The following TNRC6A variants were observed in gnomAD, a reference collection of about 807,000 sequenced individuals.
The protein encoded by TNRC6A is trinucleotide repeat containing adaptor 6A.
In TNRC6A, 44 loss-of-function variants were observed where a neutral mutation model predicts 221.2. That is an observed-to-expected ratio of 0.20 (90% CI 0.16 to 0.26). The LOEUF (loss-of-function observed/expected upper bound fraction) is 0.26, where lower values mean the gene tolerates loss of function less well. Ranked by LOEUF, TNRC6A falls within the 10% of genes least tolerant of loss-of-function variation. The pLI is 1.00. For synonymous variants in TNRC6A, 847 were observed against 838.5 expected, an observed-to-expected ratio of 1.01 and a Z score of -0.18; for missense variants, 2,199 against 2,404.4, an observed-to-expected ratio of 0.91 and a Z score of 1.79.
chr16:24,632,414 C>T (rs1226470121), intron 1 of TNRC6A, among the ~76,000 whole-genome samples: 2 of 152,176 alleles, frequency 1.3e-5, no homozygotes, highest in Non-Finnish European at 2.9e-5. Flanking sequence ...GTCTTTGATT[C>T]CTTATTGTCG....
chr16:24,803,879 C>A, intron 11 of TNRC6A: 1 of 250,522 alleles, frequency 4.0e-6, no homozygotes, highest in Non-Finnish European at 7.6e-6. Context: ...CCAGCCTGGG[C>A]CACAAAGCGA....
At chr16:24,633,337 T>C (rs1386274081) in intron 1 of TNRC6A, among the ~76,000 whole-genome samples, 4 of 152,206 alleles carry the variant, frequency 2.6e-5, no homozygotes, top group African/African-American at 7.2e-5. Context: ...ACCAGGCTTA[T>C]TTCCTTACAG....
At chr16:24,694,257 C>A (rs1044976381) in intron 2 of TNRC6A, among the ~76,000 whole-genome samples, 14 of 152,268 alleles carry the variant, frequency 9.2e-5, no homozygotes, top group African/African-American at 3.4e-4. Flanking sequence ...CCCAGCATAG[C>A]CAGGCCCCCG....
intron 2 of TNRC6A, among the ~76,000 whole-genome samples, chr16:24,735,216 T>C (rs2056737059): frequency 6.6e-6 from 1 of 151,946 alleles, no homozygotes; most frequent in African/African-American, 2.4e-5. Flanking sequence ...GAGGTGGAGG[T>C]TGCAGTGAGC....
At chr16:24,799,886 T>C (rs8044992) in intron 11 of TNRC6A, among the ~76,000 whole-genome samples, 41,754 of 152,090 alleles carry the variant, frequency 0.27, 5,902 homozygotes, top group African/African-American at 0.3. Context: ...TTGTTTTTCA[T>C]TGGCCTTCAC....
At chr16:24,620,912 C>T (rs187066747) in intron 1 of TNRC6A, among the ~76,000 whole-genome samples, 104 of 151,504 alleles carry the variant, frequency 6.9e-4, no homozygotes, top group Non-Finnish European at 9.9e-4. Flanking sequence ...GGTGAAACCC[C>T]GTCTCTATTA....
In TNRC6A at chr16:24,797,896, C is replaced by T; in HGVS notation, c.3643-19C>T. 6.3e-7 allele frequency: 1 copy of T among 1,597,630 alleles called. No homozygotes were observed. Among genetic ancestry groups the T allele is most frequent in the East Asian group, 2.2e-5 (1 of 44,590 alleles). On this transcript the variant is annotated intron_variant, in intron 10 of 24. Coordinates refer to ENST00000395799, the MANE Select transcript of TNRC6A (RefSeq NM_014494.4). ...TGATAAATTAAGGTCTGCTAACATG[C>T]TGCATTTTCTTTCTTCAGAGAGACT...
Position 24,816,963 on chromosome 16 carries a change from A to C in TNRC6A, c.4972+7A>C, listed in dbSNP as rs1419690067. 6.2e-7 allele frequency: 1 copy of C among 1,608,992 alleles called. No homozygotes were observed. Among genetic ancestry groups the C allele is most frequent in the Admixed American group, 1.7e-5 (1 of 58,646 alleles). On this transcript the variant is annotated splice_region_variant and intron_variant, in intron 20 of 24. Coordinates refer to ENST00000395799, the MANE Select transcript of TNRC6A (RefSeq NM_014494.4). ...CTCAGGGACAGGAACAGTGGTACGTAGGGGGTGCAAATCAATTTCTGAGTG... is the reference window on the plus strand; with the variant it reads ...CTCAGGGACAGGAACAGTGGTACGTCGGGGGTGCAAATCAATTTCTGAGTG...
chr16:24,679,809 A>G (rs763195412), intron 2 of TNRC6A, among the ~76,000 whole-genome samples: 1 of 150,614 alleles, frequency 6.6e-6, no homozygotes, highest in East Asian at 2.0e-4. Flanking sequence ...AGGTCTCACT[A>G]TGTTGCCCAG....
chr16:24,735,190 G>C (rs1359874110), intron 2 of TNRC6A, among the ~76,000 whole-genome samples: 2 of 152,196 alleles, frequency 1.3e-5, no homozygotes, highest in African/African-American at 4.8e-5. Flanking sequence ...GCTGAGGCAG[G>C]AGAATCTGAA....
chr16:24,644,013 G>C (rs1333373671), intron 2 of TNRC6A, among the ~76,000 whole-genome samples: 2 of 151,522 alleles, frequency 1.3e-5, no homozygotes, highest in African/African-American at 4.9e-5. Flanking sequence ...CAGGAACACT[G>C]GTGCAAATAA....
chr16:24,804,674 G>T (rs778989364), intron 12 of TNRC6A, 31 bp from the exon 13 acceptor site: 1 of 1,550,100 alleles, frequency 6.5e-7, no homozygotes, highest in Non-Finnish European at 8.7e-7. Flanking sequence ...TGCTTGGCTG[G>T]TGTTGCACAT....
At chr16:24,785,680 G>A (rs2057951353) in intron 5 of TNRC6A, among the ~76,000 whole-genome samples, 1 of 152,066 alleles carries the variant, frequency 6.6e-6, no homozygotes, top group Non-Finnish European at 1.5e-5. Flanking sequence ...TGTCATTATG[G>A]GAATGCTTCT....
intron 3 of TNRC6A, among the ~76,000 whole-genome samples, chr16:24,753,380 C>T (rs1200342866): frequency 6.6e-6 from 1 of 152,158 alleles, no homozygotes; most frequent in African/African-American, 2.4e-5. Context: ...ATAGTATCTA[C>T]CCACTGAACA....
At position 24,824,826 on chromosome 16, in the gene TNRC6A, A is replaced by G. The variant is rs1195537307; in HGVS notation, c.*1019A>G. ...TTAGAGGAAAAAAAGAAAAACCCCAACTTTTAGCACTGATACTACATATTG... is the reference window on the plus strand; with the variant it reads ...TTAGAGGAAAAAAAGAAAAACCCCAGCTTTTAGCACTGATACTACATATTG... On this transcript the variant is annotated 3_prime_UTR_variant, in exon 25 of 25. Transcript: ENST00000395799. The G allele has an allele frequency of 6.6e-6, 1 of 152,154 alleles. No homozygotes were observed. The highest frequency in any genetic ancestry group is 1.9e-4 in the East Asian group (1 of 5,192). 9.4% of individuals were successfully genotyped at this position (152,154 alleles called of 1,614,324 possible).
intron 1 of TNRC6A, among the ~76,000 whole-genome samples, chr16:24,614,888 AGTGAAACCTC>A (rs1900261643): frequency 1.3e-5 from 2 of 152,228 alleles, no homozygotes; most frequent in Admixed American, 1.3e-4. Flanking sequence ...TGGCTAACAC[AGTGAAACCTC>A]GTCTCTACTA....
intron 1 of TNRC6A, among the ~76,000 whole-genome samples, chr16:24,613,148 A>G (rs929615152): frequency 2.5e-4 from 38 of 149,068 alleles, no homozygotes; most frequent in African/African-American, 8.9e-4. Context: ...AAAGGAATCT[A>G]TAACTGAAGA....
At position 24,806,670 on chromosome 16, in the gene TNRC6A, C is replaced by A. The variant is rs377192219; in HGVS notation, c.4426C>A (p.Gln1476Lys). 8 of 1,614,108 alleles carry A rather than the reference C, an allele frequency of 5.0e-6. No homozygotes were observed. The highest frequency in any genetic ancestry group is 6.8e-6 in the Non-Finnish European group (8 of 1,180,054). The change falls in exon 17 of 25, where the codon CAG becomes AAG. Residue 1476 changes from glutamine to lysine, a missense_variant. Coordinates refer to ENST00000395799, the MANE Select transcript of TNRC6A (RefSeq NM_014494.4). ...GCAGCAGACTCCACCATCTCAGCAG[C>A]AGCCACTCCATCAGCCAGCCATGAA... ...VKQQTPPSQQQPLHQPAMKSF... is the reference protein window; with the variant it reads ...VKQQTPPSQQKPLHQPAMKSF...
At chr16:24,697,465 A>G (rs2142181459) in intron 2 of TNRC6A, among the ~76,000 whole-genome samples, 1 of 152,154 alleles carries the variant, frequency 6.6e-6, no homozygotes, top group East Asian at 1.9e-4. Flanking sequence ...TGGGCAGACC[A>G]TTTGAGGCCA....
Sources: gnomAD v4.1 joint callset for allele counts (sites outside exome capture counted in the v4.1 genomes callset) on GRCh38, gnomAD v4.1.1 for gene constraint, MANE v1.5 for transcripts, NCBI Gene and HGNC (gene_info 2026-07-23, HGNC 2026-07-21) for gene names.